NHSL1: variants seen among roughly 807,000 people sequenced by gnomAD.
The protein encoded by NHSL1 is NHS-like protein 1.
NHSL1 carries 48 observed loss-of-function variants against 95.0 expected under a neutral mutation model. That is an observed-to-expected ratio of 0.51 (90% confidence interval 0.40 to 0.64). The LOEUF is 0.64. NHSL1 is among the 30% of genes least tolerant of loss of function. The pLI, the probability that NHSL1 is intolerant of heterozygous loss-of-function variation, is 0.00. For missense variants in NHSL1, 1,971 were observed against 2,077.7 expected (o/e 0.95, Z 1.00); for synonymous variants, 783 against 833.9 (o/e 0.94, Z 1.05).
intron 1 of NHSL1, among the ~76,000 whole-genome samples, chr6:138,612,485 G>GT (rs1784527413): frequency 6.6e-6 from 1 of 152,124 alleles, no homozygotes; most frequent in African/African-American, 2.4e-5. Context: ...AAAGCTGAAA[G>GT]TTGTATAATG....
At chr6:138,562,369 A>C (rs1368021165) in intron 1 of NHSL1, among the ~76,000 whole-genome samples, 1 of 152,184 alleles carries the variant, frequency 6.6e-6, no homozygotes, top group African/African-American at 2.4e-5. Context: ...TAACATGGCC[A>C]GGTGTGATCG....
At chr6:138,458,665 C>A (rs1486194167) in intron 3 of NHSL1, among the ~76,000 whole-genome samples, 3 of 151,790 alleles carry the variant, frequency 2.0e-5, no homozygotes, top group Non-Finnish European at 2.9e-5. Context: ...GTCTCTACTA[C>A]AAATACAAAA....
At chr6:138,533,534 G>A (rs556132504) in intron 1 of NHSL1, among the ~76,000 whole-genome samples, 1 of 152,160 alleles carries the variant, frequency 6.6e-6, no homozygotes, top group South Asian at 2.1e-4. Flanking sequence ...GGCAAGAAGA[G>A]CAAAACTCCG....
intron 1 of NHSL1, among the ~76,000 whole-genome samples, chr6:138,512,797 C>T (rs1391095958): frequency 1.3e-5 from 2 of 152,190 alleles, no homozygotes; most frequent in Non-Finnish European, 2.9e-5. Flanking sequence ...CAGGTCTATG[C>T]ACATGGCGAG....
intron 2 of NHSL1, among the ~76,000 whole-genome samples, chr6:138,474,286 C>T (rs192826234): frequency 8.3e-4 from 126 of 152,282 alleles, no homozygotes; most frequent in Middle Eastern, 3.4e-3. Context: ...GAGCACAAAA[C>T]GTGTGTGGTT....
intron 1 of NHSL1, among the ~76,000 whole-genome samples, chr6:138,518,474 T>C (rs1781544091): frequency 9.1e-6 from 1 of 110,012 alleles, no homozygotes; most frequent in Non-Finnish European, 1.9e-5. Flanking sequence ...TCCACAGGAA[T>C]GATTTTTTTT....
intron 1 of NHSL1, among the ~76,000 whole-genome samples, chr6:138,645,611 A>G (rs1785010080): frequency 6.6e-6 from 1 of 151,054 alleles, no homozygotes; most frequent in Admixed American, 6.6e-5. Flanking sequence ...AGGTTCAAGC[A>G]ATTCTCCTGC....
chr6:138,501,840 C>T (rs758120034), upstream of NHSL1, among the ~76,000 whole-genome samples: 12 of 152,206 alleles, frequency 7.9e-5, no homozygotes, highest in Non-Finnish European at 1.6e-4. Flanking sequence ...CACATCTTCC[C>T]ATATACTTTA....
At chr6:138,521,742 A>C (rs1490625013) in intron 1 of NHSL1, among the ~76,000 whole-genome samples, 3 of 152,198 alleles carry the variant, frequency 2.0e-5, no homozygotes, top group African/African-American at 7.2e-5. Flanking sequence ...CGGAGGAAAC[A>C]GTGGCTAGAA....
intron 1 of NHSL1, among the ~76,000 whole-genome samples, chr6:138,536,620 T>C (rs1046780296): frequency 2.0e-5 from 3 of 147,584 alleles, no homozygotes; most frequent in African/African-American, 7.5e-5. Flanking sequence ...TTTTTTTTTT[T>C]TTTTTTTTTT....
chr6:138,673,137 T>C (rs1011897345), intron 1 of NHSL1, among the ~76,000 whole-genome samples: 2 of 152,100 alleles, frequency 1.3e-5, no homozygotes, highest in African/African-American at 2.4e-5. Context: ...AATAACCAAC[T>C]GGAATTCCTG....
chr6:138,568,996 C>A (rs1475082573), intron 1 of NHSL1, among the ~76,000 whole-genome samples: 2 of 152,282 alleles, frequency 1.3e-5, no homozygotes, highest in East Asian at 1.9e-4. Flanking sequence ...TGTCATACAA[C>A]ACACTATCCA....
chr6:138,469,429 T>C (rs927275605), intron 3 of NHSL1, among the ~76,000 whole-genome samples: 3 of 152,136 alleles, frequency 2.0e-5, no homozygotes, highest in African/African-American at 7.2e-5. Context: ...CTTTATATAG[T>C]TAAGAAGAAC....
intron 1 of NHSL1, among the ~76,000 whole-genome samples, chr6:138,568,760 T>C (rs926221330): frequency 1.3e-5 from 2 of 152,328 alleles, no homozygotes; most frequent in East Asian, 3.9e-4. Flanking sequence ...AGAAAATGCA[T>C]ACTAGTAGCT....
At chr6:138,528,887 G>C (rs1379005304) in intron 1 of NHSL1, among the ~76,000 whole-genome samples, 3 of 152,114 alleles carry the variant, frequency 2.0e-5, no homozygotes, top group African/African-American at 4.8e-5. Flanking sequence ...TTTGAGGTTC[G>C]AGGGAGCCTT....
chr6:138,663,298 C>T (rs905544106), intron 1 of NHSL1, among the ~76,000 whole-genome samples: 4 of 152,144 alleles, frequency 2.6e-5, no homozygotes, highest in Middle Eastern at 3.4e-3. Flanking sequence ...TGGTGGGTCA[C>T]GCCTGTCATC....
intron 1 of NHSL1, among the ~76,000 whole-genome samples, chr6:138,618,235 T>C (rs1784607292): frequency 6.6e-6 from 1 of 152,202 alleles, no homozygotes; most frequent in Non-Finnish European, 1.5e-5. Context: ...GAGATTTTGC[T>C]AATAGCTACA....
At chr6:138,442,135 A>T (rs958320933) in intron 4 of NHSL1, 21 bp from the exon 5 acceptor site, 9 of 1,521,322 alleles carry the variant, frequency 5.9e-6, no homozygotes, top group Non-Finnish European at 7.9e-6. Flanking sequence ...GTAGTAGAAC[A>T]AGCAAAGCAA....
intron 1 of NHSL1, among the ~76,000 whole-genome samples, chr6:138,525,096 C>T (rs62432519): frequency 0.023 from 3,434 of 152,098 alleles, 51 homozygotes; most frequent in Middle Eastern, 0.065. Flanking sequence ...CCAGGTGAGT[C>T]CTGGAAGCTT....
Sources: allele counts gnomAD v4.1 joint callset (sites outside exome capture counted in the v4.1 genomes callset), GRCh38; gene constraint gnomAD v4.1.1; transcripts MANE v1.5; gene names NCBI Gene and HGNC (gene_info 2026-07-23, HGNC 2026-07-21).